The following VAPB variants were observed in gnomAD, a reference collection of about 807,000 sequenced individuals.
VAPB encodes VAMP associated protein B and C.
In VAPB, 7 loss-of-function variants were observed where a neutral mutation model predicts 25.6. That is an observed-to-expected ratio of 0.27 (90% CI 0.16 to 0.51). VAPB has a LOEUF of 0.51. Among genes scored for constraint, VAPB ranks in the 20% least tolerant of loss-of-function variants. VAPB has a pLI of 0.97. For synonymous variants in VAPB, 112 were observed against 109.2 expected (o/e 1.03, Z -0.16); for missense variants, 266 against 301.3 (o/e 0.88, Z 0.87).
intron 4 of VAPB, 91 bp downstream of exon 4, chr20:58,439,116 A>G (rs1044125985): frequency 1.6e-6 from 2 of 1,259,348 alleles, no homozygotes; most frequent in East Asian, 2.4e-5. Context: ...TTAAGTTGGC[A>G]AATTATTTTC....
At position 58,418,283 on chromosome 20, in the gene VAPB, T is replaced by A; in HGVS notation, c.131T>A (p.Val44Glu). 6.2e-7 allele frequency: 1 copy of A among 1,614,094 alleles called. No homozygotes were observed. Among genetic ancestry groups the A allele is most frequent in the African/African-American group, 1.3e-5 (1 of 74,988 alleles). The change falls in exon 2 of 6, where the codon GTG (valine) becomes GAG (glutamate). Residue 44 changes from valine to glutamate, a missense_variant. By Grantham distance (121) the Val-to-Glu change is moderately radical. Coordinates refer to ENST00000475243, the MANE Select transcript of VAPB (RefSeq NM_004738.5). ...NPTDRNVCFKVKTTAPRRYCV... is the reference protein window; with the variant it reads ...NPTDRNVCFKEKTTAPRRYCV... ...ACAGACCGAAATGTGTGTTTTAAGG[T>A]GAAGACTACAGCACCACGTAGGTAC...
At chr20:58,411,562 GC>G (rs1346782158) in intron 1 of VAPB, among the ~76,000 whole-genome samples, 4 of 152,208 alleles carry the variant, frequency 2.6e-5, no homozygotes, top group African/African-American at 9.6e-5. Context: ...GTGAGCCACC[GC>G]ACCCGGCCAG....
chr20:58,440,751 A>C, intron 4 of VAPB, 156 bp from the exon 5 acceptor site: 1 of 666,780 alleles, frequency 1.5e-6, no homozygotes, highest in Non-Finnish European at 2.5e-6. Context: ...TTAAGATATC[A>C]GATAAAGTAA....
In VAPB at chr20:58,418,326, C is replaced by T. The variant is rs139149560; in HGVS notation, c.174C>T (p.Ser58=). The T allele has an allele frequency of 4.5e-5, 73 of 1,614,136 alleles. No homozygotes were observed. Among genetic ancestry groups the T allele is most frequent in the African/African-American group, 2.3e-4 (17 of 75,008 alleles). ...GTAGGTACTGTGTGAGGCCCAACAG[C>T]GGAATCATCGATGCAGGGGCCTCAA... ...APRRYCVRPN[S]GIIDAGASIN... The change falls in exon 2 of 6, where the codon AGC becomes AGT. Residue 58 remains serine, a synonymous_variant. Transcript: ENST00000475243.
At position 58,448,879 on chromosome 20, in the gene VAPB, C is replaced by G. The variant is rs182752459; in HGVS notation, c.*4644C>G. ...GGCTTTAGAAAGAATATTGCCAGTC[C>G]GTCTCGGCAAGGAGATGATGGGAGC... On this transcript the variant is annotated 3_prime_UTR_variant, in exon 6 of 6. Transcript: ENST00000475243. 8.6e-5 allele frequency: 39 copies of G among 453,870 alleles called. No individual in the cohort carries two copies. Among genetic ancestry groups the G allele is most frequent in the Non-Finnish European group, 1.4e-4 (32 of 226,792 alleles). 28.1% of individuals were successfully genotyped at this position (453,870 alleles called of 1,614,324 possible).
chr20:58,450,697 G>T lies in VAPB; in HGVS notation c.*6462G>T, dbSNP rs761969079. 4 of 453,884 alleles carry T rather than the reference G, an allele frequency of 8.8e-6. No individual in the cohort carries two copies. The highest frequency in any genetic ancestry group is 2.0e-5 in the African/African-American group (1 of 49,988). 28.1% of individuals were successfully genotyped at this position (453,884 alleles called of 1,614,324 possible). ...AAAAGATTCCCACAGTTTCTGATGTGTGTGTTTATAGTCTTCAATGTATGT... is the reference window on the plus strand; with the variant it reads ...AAAAGATTCCCACAGTTTCTGATGTTTGTGTTTATAGTCTTCAATGTATGT... On this transcript the variant is annotated 3_prime_UTR_variant, in exon 6 of 6. Transcript: ENST00000475243.
intron 1 of VAPB, among the ~76,000 whole-genome samples, chr20:58,405,704 A>G (rs950660922): frequency 2.3e-5 from 3 of 130,270 alleles, no homozygotes; most frequent in Non-Finnish European, 4.7e-5. Context: ...CCAAAATGCT[A>G]GGATTACAGG....
intron 1 of VAPB, among the ~76,000 whole-genome samples, chr20:58,406,827 T>TG (rs1447820158): frequency 6.6e-6 from 1 of 152,278 alleles, no homozygotes; most frequent in Non-Finnish European, 1.5e-5. Flanking sequence ...TGACTCATCC[T>TG]GCTTTGTGTA....
intron 1 of VAPB, among the ~76,000 whole-genome samples, chr20:58,414,872 G>A (rs1988498464): frequency 6.6e-6 from 1 of 152,256 alleles, no homozygotes; most frequent in African/African-American, 2.4e-5. Flanking sequence ...GCCAAGGCAG[G>A]CGGCTGGGAG....
In VAPB at chr20:58,445,379, C is replaced by T. The variant is rs995612951; in HGVS notation, c.*1144C>T. 1 of 454,394 alleles carries T rather than the reference C, an allele frequency of 2.2e-6. No homozygotes were observed. Among genetic ancestry groups the T allele is most frequent in the African/African-American group, 2.0e-5 (1 of 49,948 alleles). 28.1% of individuals were successfully genotyped at this position (454,394 alleles called of 1,614,324 possible). A position where few individuals can be genotyped will look rare whatever the true frequency, so the allele number is the denominator to read the frequency against. On this transcript the variant is annotated 3_prime_UTR_variant, in exon 6 of 6. Transcript: ENST00000475243. ...CTGCAGAGGGTTAGAAGCGAGGGCA[C>T]CAGCAGTTGTGGGTGGGGAGCAAGG...
intron 1 of VAPB, among the ~76,000 whole-genome samples, chr20:58,399,132 C>G (rs140843586): frequency 3.0e-4 from 45 of 152,016 alleles, no homozygotes; most frequent in African/African-American, 9.6e-4. Flanking sequence ...GAAACCCCAT[C>G]TCTACTAAAA....
intron 5 of VAPB, among the ~76,000 whole-genome samples, chr20:58,443,230 A>G (rs1169463924): frequency 7.9e-5 from 12 of 152,162 alleles, no homozygotes; most frequent in Non-Finnish European, 1.8e-4. Flanking sequence ...TGCTTCTTCA[A>G]TGAGAAATCT....
rs1276667641 is a variant in VAPB, at chr20:58,419,163, G to GAA, written c.211+800_211+801insAA. Among the ~76,000 whole-genome samples, 5 of 152,170 alleles carry GAA rather than the reference G, an allele frequency of 3.3e-5. No homozygotes were observed. In the East Asian group the frequency reaches 5.8e-4, roughly 18 times the overall value. On this transcript the variant is annotated intron_variant, in intron 2 of 5. Coordinates refer to ENST00000475243, the MANE Select transcript of VAPB (RefSeq NM_004738.5). ...GTGACTCAGTGTCACAGAGGCTTCT[G>GAA]CATCAATAGAAGCTACTGCTCATTT...
At chr20:58,389,813 CCT>C (rs1220153374) in intron 1 of VAPB, among the ~76,000 whole-genome samples, 4 of 152,212 alleles carry the variant, frequency 2.6e-5, no homozygotes, top group Non-Finnish European at 4.4e-5. Flanking sequence ...AGTTTGTGAT[CCT>C]CTCTAGTGTG....
chr20:58,401,192 C>T (rs2123028261), intron 1 of VAPB, among the ~76,000 whole-genome samples: 1 of 152,242 alleles, frequency 6.6e-6, no homozygotes. Flanking sequence ...TCTTCCAAAG[C>T]AAGATTGTTT....
chr20:58,392,860 C>T (rs960046810), intron 1 of VAPB, among the ~76,000 whole-genome samples: 3 of 152,122 alleles, frequency 2.0e-5, no homozygotes, highest in African/African-American at 7.2e-5. Flanking sequence ...TGACTTTATG[C>T]AGTTTTATAG....
Position 58,444,804 on chromosome 20 carries a change from A to G in VAPB, c.*569A>G. ...GGCAGCATCAGACGTACTCGTCATA[A>G]GTGAGAGGCGTGTGTTGACTGATTG... On this transcript the variant is annotated 3_prime_UTR_variant, in exon 6 of 6. Transcript: ENST00000475243. The G allele has an allele frequency of 2.2e-6, 1 of 454,610 alleles. No individual in the cohort carries two copies. Among genetic ancestry groups the G allele is most frequent in the Non-Finnish European group, 4.4e-6 (1 of 226,810 alleles). The allele number at this position is 454,610 out of a possible 1,614,324, so 28.2% of individuals were successfully genotyped here.
chr20:58,441,121 G>T (rs2123100168), intron 5 of VAPB, 38 bp downstream of exon 5: 1 of 1,606,888 alleles, frequency 6.2e-7, no homozygotes, highest in South Asian at 1.1e-5. Context: ...AGAAAACAAG[G>T]GCGTTTTCAC....
chr20:58,398,642 C>T (rs746579815), intron 1 of VAPB, among the ~76,000 whole-genome samples: 3 of 152,136 alleles, frequency 2.0e-5, no homozygotes, highest in African/African-American at 7.2e-5. Flanking sequence ...TTTGGGTGTT[C>T]GATCTCACAG....
Sources: gnomAD v4.1 joint callset for allele counts (sites outside exome capture counted in the v4.1 genomes callset) on GRCh38, gnomAD v4.1.1 for gene constraint, MANE v1.5 for transcripts, NCBI Gene and HGNC (gene_info 2026-07-23, HGNC 2026-07-21) for gene names.